Variants in TJP1 observed in about 807,000 individuals in gnomAD.
The protein encoded by TJP1 is tight junction protein ZO-1.
In TJP1, 43 loss-of-function variants were observed where a neutral mutation model predicts 194.2. The observed-to-expected ratio is 0.22, with a 90% CI of 0.17 to 0.29. The LOEUF is 0.29. Among genes scored for constraint, TJP1 ranks in the 10% least tolerant of loss-of-function variants. TJP1 has a pLI of 1.00. For synonymous variants in TJP1, 801 were observed against 779.0 expected (o/e 1.03, Z -0.47); for missense variants, 1,971 against 2,185.7 (o/e 0.90, Z 1.96).
At chr15:29,864,911 A>G (rs2052248304) in intron 2 of TJP1, among the ~76,000 whole-genome samples, 1 of 152,198 alleles carries the variant, frequency 6.6e-6, no homozygotes, top group Non-Finnish European at 1.5e-5. Context: ...TTCTGTTGGT[A>G]AAACTGTTTT....
chr15:29,878,337 A>G (rs1427238087), intron 2 of TJP1, among the ~76,000 whole-genome samples: 9 of 152,210 alleles, frequency 5.9e-5, no homozygotes, highest in Non-Finnish European at 1.0e-4. Flanking sequence ...GGCATGAGCC[A>G]CCGCGCCTGG....
intron 2 of TJP1, among the ~76,000 whole-genome samples, chr15:29,856,326 T>A (rs1194641565): frequency 6.6e-6 from 1 of 152,146 alleles, no homozygotes; most frequent in Non-Finnish European, 1.5e-5. Flanking sequence ...CTTGAAAACA[T>A]TCTACTAAGT....
rs561346316 is a variant in TJP1 at position 29,814,090 on chromosome 15, CACTT to C, written c.27+7908_27+7911del. Among the ~76,000 whole-genome samples, 33 of 152,270 alleles carry C rather than the reference CACTT, an allele frequency of 2.2e-4. 1 individual carries two copies. Among genetic ancestry groups the C allele is most frequent in the Admixed American group, 7.8e-4 (12 of 15,296 alleles). Reference sequence around the variant, plus strand: ...ATTGATACCAAACATATGCAGAAAACACTTACATCAATGTATCCAGATTCAATTC... The same window carrying C: ...ATTGATACCAAACATATGCAGAAAACACATCAATGTATCCAGATTCAATTC... On this transcript the variant is annotated intron_variant, in intron 1 of 27. Coordinates refer to ENST00000614355, the MANE Select transcript of TJP1 (RefSeq NM_001330239.4).
chr15:29,704,164 G>A lies in TJP1; in HGVS notation c.5210C>T (p.Ser1737Leu), dbSNP rs45460497. ...AGGACAGAGTGAAGACAGCATACCC[G>A]ACGAGGAGTCGGATGATTTTAGAGC... ...SFALKSSDSS[S>L]GDPKTWQNKC... The change falls in exon 27 of 28, where the codon TCG becomes TTG. Residue 1737 changes from serine (S) to leucine (L), a missense_variant and splice_region_variant. Physicochemically the swap from Ser to Leu is moderately radical, Grantham distance 145. Coordinates refer to ENST00000614355, the MANE Select transcript of TJP1 (RefSeq NM_001330239.4). The A allele has an allele frequency of 4.4e-4, 687 of 1,555,944 alleles. 6 individuals are homozygous for A. In the African/African-American group the frequency reaches 8.6e-3, roughly 20 times the overall value.
chr15:29,848,169 G>GA (rs966372517), intron 2 of TJP1, among the ~76,000 whole-genome samples: 11 of 145,920 alleles, frequency 7.5e-5, no homozygotes, highest in Admixed American at 6.8e-5. Flanking sequence ...ATGAGTGCTT[G>GA]AAAAAAAAAA....
intron 15 of TJP1, among the ~76,000 whole-genome samples, chr15:29,729,691 G>A (rs1456629564): frequency 2.0e-5 from 3 of 151,918 alleles, no homozygotes; most frequent in African/African-American, 7.3e-5. Context: ...GTGGTGGCGG[G>A]TGCCTGTAGT....
At chr15:29,748,947 T>A (rs775798199) in intron 8 of TJP1, among the ~76,000 whole-genome samples, 1,551 of 40,540 alleles carry the variant, frequency 0.038, 9 homozygotes, top group East Asian at 0.076. Context: ...TGTGTGTGTG[T>A]GTGTGTGCGC....
intron 5 of TJP1, among the ~76,000 whole-genome samples, chr15:29,762,754 A>C (rs935279345): frequency 6.6e-6 from 1 of 152,148 alleles, no homozygotes; most frequent in African/African-American, 2.4e-5. Context: ...CTAGCTCTTC[A>C]GAATGATTAA....
At chr15:29,795,898 T>C (rs1305261837) in intron 2 of TJP1, among the ~76,000 whole-genome samples, 1 of 152,050 alleles carries the variant, frequency 6.6e-6, no homozygotes, top group Non-Finnish European at 1.5e-5. Context: ...AGAAAACCCA[T>C]ATAATCCCAG....
chr15:29,822,067 C>T lies in TJP1; in HGVS notation c.-39G>A, dbSNP rs750319790. On this transcript the variant is annotated 5_prime_UTR_variant, in exon 1 of 28. Transcript: ENST00000614355. Reference sequence around the variant, plus strand: ...AGCGCCGCGCGAGGCTCCTCGGACCCGAAACTCCGCGGCGCTGGCCCGCCC... The same window carrying T: ...AGCGCCGCGCGAGGCTCCTCGGACCTGAAACTCCGCGGCGCTGGCCCGCCC... The T allele has an allele frequency of 1.7e-5, 22 of 1,265,168 alleles. No homozygotes were observed. The highest frequency in any genetic ancestry group is 2.2e-4 in the Middle Eastern group (1 of 4,512). 78.4% of individuals were successfully genotyped at this position (1,265,168 alleles called of 1,614,324 possible).
chr15:29,884,426 C>T (rs1009288291), intron 2 of TJP1, among the ~76,000 whole-genome samples: 3 of 152,162 alleles, frequency 2.0e-5, no homozygotes, highest in Non-Finnish European at 4.4e-5. Flanking sequence ...TTCTTCCATA[C>T]ACTAAATTTT....
chr15:29,921,280 C>G (rs2054349317), intron 2 of TJP1, among the ~76,000 whole-genome samples: 1 of 152,202 alleles, frequency 6.6e-6, no homozygotes, highest in African/African-American at 2.4e-5. Flanking sequence ...TGATCTTAAA[C>G]TATCTCTTCA....
intron 8 of TJP1, among the ~76,000 whole-genome samples, chr15:29,760,933 C>T (rs1171670265): frequency 1.3e-5 from 2 of 152,122 alleles, no homozygotes; most frequent in African/African-American, 4.8e-5. Context: ...ATATGGCCTG[C>T]ATGATTGAAA....
chr15:29,781,467 A>G (rs896396409), intron 2 of TJP1, among the ~76,000 whole-genome samples: 1 of 152,198 alleles, frequency 6.6e-6, no homozygotes, highest in Admixed American at 6.5e-5. Flanking sequence ...AACTCATTCT[A>G]TGAGGTCAGC....
chr15:29,894,086 G>T (rs1257181577), intron 2 of TJP1, among the ~76,000 whole-genome samples: 1 of 152,174 alleles, frequency 6.6e-6, no homozygotes, highest in Non-Finnish European at 1.5e-5. Context: ...GTGTGTGGGG[G>T]GCCAGATGGA....
At chr15:29,703,810 T>A (rs1379100010) in intron 27 of TJP1, among the ~76,000 whole-genome samples, 2 of 151,856 alleles carry the variant, frequency 1.3e-5, no homozygotes, top group Admixed American at 1.3e-4. Flanking sequence ...GCCTGGCTAA[T>A]TTTTGTATTT....
chr15:29,863,137 AAC>A (rs2052157101), intron 2 of TJP1, among the ~76,000 whole-genome samples: 1 of 151,598 alleles, frequency 6.6e-6, no homozygotes, highest in Non-Finnish European at 1.5e-5. Context: ...CTGTACTAAA[AAC>A]ACAAAAATTA....
intron 2 of TJP1, among the ~76,000 whole-genome samples, chr15:29,887,405 T>C (rs2053155135): frequency 6.6e-6 from 1 of 151,872 alleles, no homozygotes; most frequent in Admixed American, 6.6e-5. Flanking sequence ...GTTCAAGTGA[T>C]TCTCCTGCCT....
chr15:29,817,119 A>G (rs747460295), intron 1 of TJP1, among the ~76,000 whole-genome samples: 6 of 152,224 alleles, frequency 3.9e-5, no homozygotes, highest in Non-Finnish European at 7.3e-5. Flanking sequence ...CAAGAAAACA[A>G]ATATCCGTAT....
Sources: allele counts gnomAD v4.1 joint callset (sites outside exome capture counted in the v4.1 genomes callset), GRCh38; gene constraint gnomAD v4.1.1; transcripts MANE v1.5; gene names NCBI Gene and HGNC (gene_info 2026-07-23, HGNC 2026-07-21).